Variants in TAS1R1 observed in about 807,000 individuals in gnomAD.
TAS1R1 encodes the protein taste 1 receptor member 1.
TAS1R1 carries 31 observed loss-of-function variants against 45.8 expected under a neutral mutation model. The ratio of observed to expected loss-of-function variants is 0.68; its 90% confidence interval spans 0.51 to 0.91. The LOEUF (loss-of-function observed/expected upper bound fraction) is 0.91, where lower values mean the gene tolerates loss of function less well. TAS1R1 is among the 40% of genes least tolerant of loss of function. The pLI, the probability that TAS1R1 is intolerant of heterozygous loss-of-function variation, is 0.00. For missense variants in TAS1R1, 1,051 were observed against 1,063.9 expected (o/e 0.99, Z 0.17); for synonymous variants, 437 against 448.4 (o/e 0.97, Z 0.32).
intron 1 of TAS1R1, among the ~76,000 whole-genome samples, chr1:6,561,246 G>A (rs1185405688): frequency 6.6e-6 from 1 of 152,182 alleles, no homozygotes; most frequent in Non-Finnish European, 1.5e-5. Context: ...AGTCTGAAAG[G>A]CGCTGCCTGA....
In TAS1R1 at chr1:6,579,205, T is replaced by C. The variant is rs1214498196; in HGVS notation, c.2147T>C (p.Val716Ala). The C allele has an allele frequency of 1.9e-6, 3 of 1,614,068 alleles. No homozygotes were observed. In the Admixed American group the frequency reaches 5.0e-5, roughly 27 times the overall value. Reference sequence around the variant, plus strand: ...GAATACCAGCGCTTCCCCCATCTGGTGATGCTTGAGTGCACAGAGACCAAC... The same window carrying C: ...GAATACCAGCGCTTCCCCCATCTGGCGATGCTTGAGTGCACAGAGACCAAC... ...AREYQRFPHLVMLECTETNSL... is the reference protein window; with the variant it reads ...AREYQRFPHLAMLECTETNSL... The change falls in exon 6 of 6, where the codon GTG (valine) becomes GCG (alanine). Residue 716 changes from valine to alanine, a missense_variant. By Grantham distance (64) the Val-to-Ala change is moderately conservative. Transcript: ENST00000333172.
At chr1:6,578,461 G>C (rs887307909) in intron 5 of TAS1R1, among the ~76,000 whole-genome samples, 192 bp from the exon 6 acceptor site, 5 of 151,946 alleles carry the variant, frequency 3.3e-5, no homozygotes, top group African/African-American at 1.2e-4. Flanking sequence ...TGTGTCTCCA[G>C]AGTCTGTAAT....
intron 1 of TAS1R1, among the ~76,000 whole-genome samples, chr1:6,555,886 T>TTTTTTTTTTTTTTG (rs1441795030): frequency 7.6e-6 from 1 of 130,864 alleles, no homozygotes; most frequent in Non-Finnish European, 1.6e-5. Context: ...TTTTTTTTTT[T>TTTTTTTTTTTTTTG]TTTGAGACGG....
chr1:6,576,271 G>A, intron 3 of TAS1R1, 144 bp from the exon 4 acceptor site: 2 of 729,610 alleles, frequency 2.7e-6, no homozygotes, highest in Middle Eastern at 3.8e-4. Context: ...AAGATTGAGG[G>A]GCTTCCTAAG....
Position 6,571,062 on chromosome 1 carries a change from G to T in TAS1R1, c.345G>T (p.Thr115=), listed in dbSNP as rs375985047. 4 of 1,614,170 alleles carry T rather than the reference G, an allele frequency of 2.5e-6. No homozygotes were observed. In the East Asian group the frequency reaches 6.7e-5, roughly 27 times the overall value. Reference sequence around the variant, plus strand: ...CTGACTCTGCCAATGTGTATGCCACGCTGAGAGTGCTCTCCCTGCCAGGGC... The same window carrying T: ...CTGACTCTGCCAATGTGTATGCCACTCTGAGAGTGCTCTCCCTGCCAGGGC... ...VCSDSANVYA[T]LRVLSLPGQH... is the part of the protein sequence containing the mutation. Residue 115 remains threonine (T), a synonymous_variant, in exon 2 of 6, where the codon ACG becomes ACT. Coordinates refer to ENST00000333172, the MANE Select transcript of TAS1R1 (RefSeq NM_138697.4).
chr1:6,571,269 G>C, intron 2 of TAS1R1, 54 bp downstream of exon 2: 1 of 1,494,766 alleles, frequency 6.7e-7, no homozygotes, highest in Non-Finnish European at 8.9e-7. Context: ...GTCTGGGCTG[G>C]GGCATGTGGG....
intron 2 of TAS1R1, among the ~76,000 whole-genome samples, chr1:6,571,755 G>A (rs560568283): frequency 1.3e-5 from 2 of 152,168 alleles, no homozygotes; most frequent in Non-Finnish European, 2.9e-5. Flanking sequence ...GGGAGGTGGA[G>A]GTTGCAGTGA....
Position 6,579,277 on chromosome 1 carries a change from T to C in TAS1R1, c.2219T>C (p.Ile740Thr). 6.2e-7 allele frequency: 1 copy of C among 1,614,202 alleles called. No individual in the cohort carries two copies. Among genetic ancestry groups the C allele is most frequent in the Admixed American group, 1.7e-5 (1 of 60,012 alleles). Residue 740 changes from isoleucine (I) to threonine (T), a missense_variant, in exon 6 of 6, where the codon ATC becomes ACC. Coordinates refer to ENST00000333172, the MANE Select transcript of TAS1R1 (RefSeq NM_138697.4). Reference protein sequence around the residue: ...LAFLYNGLLSISAFACSYLGK... With the variant: ...LAFLYNGLLSTSAFACSYLGK... ...TTCCTCTACAATGGCCTCCTCTCCA[T>C]CAGTGCCTTTGCCTGCAGCTACCTG... is the stretch of plus-strand genomic sequence containing the variant.
intron 1 of TAS1R1, among the ~76,000 whole-genome samples, chr1:6,563,816 A>G (rs74545511): frequency 0.025 from 3,763 of 152,244 alleles, 157 homozygotes; most frequent in African/African-American, 0.085. Context: ...AAAGTCACAC[A>G]GGGTGCCTTG....
Position 6,576,424 on chromosome 1 carries a change from C to G in TAS1R1, c.1270C>G (p.Gln424Glu). 1 of 1,614,182 alleles carries G rather than the reference C, an allele frequency of 6.2e-7. No homozygotes were observed. Among genetic ancestry groups the G allele is most frequent in the Non-Finnish European group, 8.5e-7 (1 of 1,180,028 alleles). Residue 424 changes from glutamine to glutamate, a missense_variant, in exon 4 of 6, where the codon CAG becomes GAG. Coordinates refer to ENST00000333172, the MANE Select transcript of TAS1R1 (RefSeq NM_138697.4). ...TACGCGTTTCTTTCAGCTTTTGGAG[C>G]AGATCCACAAGGTGCATTTCCTTCT... ...GRVYPWQLLEQIHKVHFLLHK... is the reference protein window; with the variant it reads ...GRVYPWQLLEEIHKVHFLLHK...
chr1:6,579,375 T>TG lies in TAS1R1; in HGVS notation c.2319dup (p.Ile774AspfsTer38). 1 of 1,613,978 alleles carries TG rather than the reference T, an allele frequency of 6.2e-7. No individual in the cohort carries two copies. The highest frequency in any genetic ancestry group is 8.5e-7 in the Non-Finnish European group (1 of 1,180,058). ...CAGCCTGCTCTTCAACTTCGTGTCCTGGATCGCCTTCTTCACCACGGCCAG... is the reference window on the plus strand; with the variant it reads ...CAGCCTGCTCTTCAACTTCGTGTCCTGGGATCGCCTTCTTCACCACGGCCAG... On this transcript the variant is annotated frameshift_variant, in exon 6 of 6. Coordinates refer to ENST00000333172, the MANE Select transcript of TAS1R1 (RefSeq NM_138697.4). LOFTEE classifies it low-confidence loss of function (END_TRUNC).
At chr1:6,567,476 T>C (rs12136739) in intron 1 of TAS1R1, among the ~76,000 whole-genome samples, 142,037 of 151,158 alleles carry the variant, frequency 0.94, 67,079 homozygotes, top group Non-Finnish European at 0.99. Flanking sequence ...AGGAGAATGG[T>C]GTGAACCCGG....
chr1:6,574,735 G>A lies in TAS1R1; in HGVS notation c.603G>A (p.Leu201=). Residue 201 remains leucine, a synonymous_variant, in exon 3 of 6, where the codon CTG becomes CTA. Coordinates refer to ENST00000333172, the MANE Select transcript of TAS1R1 (RefSeq NM_138697.4). The surrounding 1 kb of genome is among the most constrained non-coding windows in gnomAD (Gnocchi z 4.3). ...AGTACCAGGTGGAGACCATGGTGCT[G>A]CTGCTGCAGAAGTTCGGGTGGACCT... ...NDKYQVETMV[L]LLQKFGWTWI... is the part of the protein sequence containing the mutation. 6.2e-7 allele frequency: 1 copy of A among 1,614,294 alleles called. No homozygotes were observed. Among genetic ancestry groups the A allele is most frequent in the Non-Finnish European group, 8.5e-7 (1 of 1,180,056 alleles).
In TAS1R1 at chr1:6,574,490, C is replaced by A; in HGVS notation, c.499-141C>A. 1 of 1,092,848 alleles carries A rather than the reference C, an allele frequency of 9.2e-7. No homozygotes were observed. Among genetic ancestry groups the A allele is most frequent in the Non-Finnish European group, 1.3e-6 (1 of 786,706 alleles). 67.7% of individuals were successfully genotyped at this position (1,092,848 alleles called of 1,614,324 possible). On this transcript the variant is annotated intron_variant, in intron 2 of 5. Transcript: ENST00000333172. The surrounding 1 kb of genome is among the most constrained non-coding windows in gnomAD (Gnocchi z 4.3). The stretch of plus-strand genomic sequence containing the variant: ...CCAGAACCTGCCCCAGTGGAGCCTT[C>A]GCAGGTGATTTGTCAGTTTCACAGG...
At chr1:6,578,257 C>T (rs945767094) in intron 5 of TAS1R1, among the ~76,000 whole-genome samples, 9 of 152,122 alleles carry the variant, frequency 5.9e-5, no homozygotes, top group Non-Finnish European at 8.8e-5. Flanking sequence ...TCAGAGAAAC[C>T]ACAGAGCAGC....
In TAS1R1 at chr1:6,574,505, A is replaced by G. The variant is rs1640103714; in HGVS notation, c.499-126A>G. On this transcript the variant is annotated intron_variant, in intron 2 of 5. Transcript: ENST00000333172. The surrounding 1 kb of genome is among the most constrained non-coding windows in gnomAD (Gnocchi z 4.3). ...GTGGAGCCTTCGCAGGTGATTTGTC[A>G]GTTTCACAGGCTGAGGGGTGCTCTC... The G allele has an allele frequency of 1.4e-5, 17 of 1,220,900 alleles. No homozygotes were observed. The highest frequency in any genetic ancestry group is 1.8e-5 in the Non-Finnish European group (16 of 900,638). The allele number at this position is 1,220,900 out of a possible 1,614,324, so 75.6% of individuals were successfully genotyped here.
At chr1:6,564,089 G>A (rs1179272909) in intron 1 of TAS1R1, among the ~76,000 whole-genome samples, 2 of 152,146 alleles carry the variant, frequency 1.3e-5, no homozygotes, top group Non-Finnish European at 2.9e-5. Context: ...GAGAATCGGC[G>A]GAAGGCGGCG....
chr1:6,555,564 G>A lies in TAS1R1; in HGVS notation c.191G>A (p.Arg64Lys), dbSNP rs1390328699. The part of the protein sequence containing the change: ...RHRPEVTLCD[R>K]SCSFNEHGYH... ...AGACCCGAGGTGACCCTGTGTGACAGGTGAGTGAGGGGCCAGCAGAGCCAC... is the reference window on the plus strand; with the variant it reads ...AGACCCGAGGTGACCCTGTGTGACAAGTGAGTGAGGGGCCAGCAGAGCCAC... The change falls in exon 1 of 6, where the codon AGG becomes AAG. Residue 64 changes from arginine (R) to lysine (K), a missense_variant and splice_region_variant. By Grantham distance (26) the Arg-to-Lys change is conservative. Transcript: ENST00000333172. 5.8e-6 allele frequency: 9 copies of A among 1,544,114 alleles called. No individual in the cohort carries two copies. The highest frequency in any genetic ancestry group is 1.2e-5 in the South Asian group (1 of 83,950).
At chr1:6,570,024 G>GAGAGAGAGAGAGAGAGAGAGAGAGAGA (rs1553186697) in intron 1 of TAS1R1, among the ~76,000 whole-genome samples, 18 of 32,430 alleles carry the variant, frequency 5.6e-4, no homozygotes, top group Admixed American at 1.7e-3. Flanking sequence ...GGAGGGAGGG[G>GAGAGAGAGAGAGAGAGAGAGAGAGAGA]GAGAGAGAGA....
Sources: allele counts gnomAD v4.1 joint callset (sites outside exome capture counted in the v4.1 genomes callset), GRCh38; gene constraint gnomAD v4.1.1; non-coding constraint Gnocchi (gnomAD v3.1); transcripts MANE v1.5; gene names NCBI Gene and HGNC (gene_info 2026-07-23, HGNC 2026-07-21).